The following SH3TC1 variants were observed in gnomAD, a reference collection of about 807,000 sequenced individuals.
SH3TC1 encodes the protein SH3 domain and tetratricopeptide repeats 1, also known as SH3 domain and tetratricopeptide repeat-containing protein 1.
Under a neutral mutation model 117.3 loss-of-function variants are expected in SH3TC1, and 135 were observed. The ratio of observed to expected loss-of-function variants is 1.15; its 90% CI spans 1.00 to 1.33. The LOEUF (loss-of-function observed/expected upper bound fraction) is 1.33. Among genes scored for constraint, SH3TC1 ranks in the 40% most tolerant of loss-of-function variants. SH3TC1 has a pLI of 0.00. For missense variants in SH3TC1, 2,092 were observed against 1,794.3 expected (o/e 1.17, Z -3.00); for synonymous variants, 898 against 816.9 (o/e 1.10, Z -1.69).
rs1229642062 is a variant in SH3TC1 at position 8,233,369 on chromosome 4, C to A, written c.3138C>A (p.Tyr1046Ter). ...CACCTGTGTCTGATACCAGGGCCTA[C>A]AAATCCGCACTGGACTACACCAAAC... ...LYLSLGTERA[Y>*]KSALDYTKRS... is the part of the protein sequence containing the mutation. Residue 1046 changes from tyrosine to a stop codon, truncating the protein, a stop_gained, in exon 14 of 18, where the codon TAC becomes TAA. Transcript: ENST00000245105. LOFTEE classifies it high-confidence loss of function. 6.2e-7 allele frequency: 1 copy of A among 1,606,892 alleles called. No individual in the cohort carries two copies. The highest frequency in any genetic ancestry group is 2.2e-5 in the East Asian group (1 of 44,736).
rs904044658 is a variant in SH3TC1 at position 8,225,928 on chromosome 4, G to C, written c.1285+712G>C. 6.6e-6 allele frequency among the ~76,000 whole-genome samples: 1 copy of C among 152,144 alleles called. No homozygotes were observed. Among genetic ancestry groups the C allele is most frequent in the African/African-American group, 2.4e-5 (1 of 41,424 alleles). ...CTGCCGAAGTCCCTGGAGCAAATGCGAGTGACTCCAGCTGCCCCCAAGGCC... is the reference window on the plus strand; with the variant it reads ...CTGCCGAAGTCCCTGGAGCAAATGCCAGTGACTCCAGCTGCCCCCAAGGCC... On this transcript the variant is annotated intron_variant, in intron 11 of 17. Coordinates refer to ENST00000245105, the MANE Select transcript of SH3TC1 (RefSeq NM_018986.5). This position sits in a 1 kb window ranked among gnomAD's most constrained non-coding sequence, Gnocchi z 5.5.
chr4:8,238,787 G>A (rs184547106), intron 17 of SH3TC1, among the ~76,000 whole-genome samples: 14 of 152,306 alleles, frequency 9.2e-5, no homozygotes, highest in Non-Finnish European at 1.2e-4. Flanking sequence ...TCTTAGTCAT[G>A]CCTGCTGCCC....
upstream of SH3TC1, among the ~76,000 whole-genome samples, chr4:8,198,177 C>A (rs1717623178): frequency 6.6e-6 from 1 of 152,160 alleles, no homozygotes; most frequent in East Asian, 1.9e-4. Context: ...AGCCCTAAAG[C>A]CTTCAGAACC....
At chr4:8,215,106 A>G in intron 5 of SH3TC1, 2 of 451,714 alleles carry the variant, frequency 4.4e-6, no homozygotes, top group Non-Finnish European at 9.0e-6. Flanking sequence ...TCTTTGTTGC[A>G]GGAATGATTT....
At chr4:8,235,884 G>T in intron 15 of SH3TC1, 1 of 363,818 alleles carries the variant, frequency 2.7e-6, no homozygotes, top group South Asian at 5.7e-5. Context: ...GCATGCCAGT[G>T]GGAGGCCCAG....
chr4:8,204,234 T>TC (rs1718019104), intron 1 of SH3TC1, among the ~76,000 whole-genome samples: 1 of 152,178 alleles, frequency 6.6e-6, no homozygotes, highest in Non-Finnish European at 1.5e-5. Context: ...GGAAAGTCTG[T>TC]CCCAGTGTTT....
At chr4:8,221,144 C>T (rs1036136897) in intron 9 of SH3TC1, among the ~76,000 whole-genome samples, 1 of 152,176 alleles carries the variant, frequency 6.6e-6, no homozygotes, top group South Asian at 2.1e-4. Flanking sequence ...CTTTGGGGAT[C>T]CTTGGTCTAG....
upstream of SH3TC1, among the ~76,000 whole-genome samples, chr4:8,196,136 C>T (rs563714634): frequency 5.3e-5 from 8 of 152,360 alleles, no homozygotes; most frequent in South Asian, 8.3e-4. The surrounding 1 kb of genome is among the most constrained non-coding windows in gnomAD (Gnocchi z 4.6). Context: ...CTGAGGTGTG[C>T]ACCTGTGCTT....
In SH3TC1 at chr4:8,231,968, C is replaced by G. The variant is rs763086307; in HGVS notation, c.2951-8C>G. 5 of 1,609,720 alleles carry G rather than the reference C, an allele frequency of 3.1e-6. No homozygotes were observed. The South Asian group carries it at 3.3e-5, about 11-fold the overall frequency. ...AGGCTGACGTCTTCCTTTTTGTCTT[C>G]TGCCCAGGCCAGCTGCGGGCCGTCC... On this transcript the variant is annotated splice_region_variant and splice_polypyrimidine_tract_variant and intron_variant, in intron 12 of 17. Transcript: ENST00000245105.
At chr4:8,215,659 C>G (rs573676299) in intron 5 of SH3TC1, among the ~76,000 whole-genome samples, 171 of 152,298 alleles carry the variant, frequency 1.1e-3, no homozygotes, top group Middle Eastern at 6.8e-3. Flanking sequence ...CTGCCCCAGA[C>G]GAGAGGGGGG....
intron 1 of SH3TC1, among the ~76,000 whole-genome samples, chr4:8,184,743 A>T (rs1165595523): frequency 6.6e-6 from 1 of 152,180 alleles, no homozygotes. Flanking sequence ...TCAGTTTCAC[A>T]GACTTAGTGG....
In SH3TC1 at chr4:8,228,178, G is replaced by A. The variant is rs764042572; in HGVS notation, c.2484G>A (p.Leu828=). 1 of 1,611,090 alleles carries A rather than the reference G, an allele frequency of 6.2e-7. No individual in the cohort carries two copies. Among genetic ancestry groups the A allele is most frequent in the Non-Finnish European group, 8.5e-7 (1 of 1,178,696 alleles). ...IAGVRAIVDH[L]VALAWLHVLH... Reference sequence around the variant, plus strand: ...GAGTCCGTGCCATCGTGGACCACCTGGTGGCCCTGGCCTGGCTGCACGTGC... The same window carrying A: ...GAGTCCGTGCCATCGTGGACCACCTAGTGGCCCTGGCCTGGCTGCACGTGC... The change falls in exon 12 of 18, where the codon CTG becomes CTA. Residue 828 remains leucine, a synonymous_variant. Coordinates refer to ENST00000245105, the MANE Select transcript of SH3TC1 (RefSeq NM_018986.5).
Position 8,227,958 on chromosome 4 carries a change from C to T in SH3TC1, c.2264C>T (p.Ala755Val), listed in dbSNP as rs139040622. The T allele has an allele frequency of 2.7e-5, 44 of 1,611,146 alleles. No homozygotes were observed. The African/African-American group carries it at 3.2e-4, about 12-fold the overall frequency. ...LRSVNLVLQN[A>V]PQPHSLPAQT... is the part of the protein sequence containing the mutation. ...AGTGTGAACCTGGTGCTCCAGAACG[C>T]CCCCCAGCCCCACAGCCTCCCTGCC... The change falls in exon 12 of 18, where the codon GCC becomes GTC. Residue 755 changes from alanine (A) to valine (V), a missense_variant. Coordinates refer to ENST00000245105, the MANE Select transcript of SH3TC1 (RefSeq NM_018986.5).
intron 8 of SH3TC1, among the ~76,000 whole-genome samples, chr4:8,218,918 C>G (rs529501306): frequency 1.3e-5 from 2 of 152,056 alleles, no homozygotes; most frequent in East Asian, 3.9e-4. Context: ...TCAGAGCTGC[C>G]GGTGTCTGGG....
intron 1 of SH3TC1, among the ~76,000 whole-genome samples, chr4:8,182,383 G>A (rs982917500): frequency 4.6e-5 from 7 of 152,196 alleles, no homozygotes; most frequent in South Asian, 2.1e-4. Context: ...GCAGCAGGGC[G>A]GGTGCTGCCT....
intron 8 of SH3TC1, among the ~76,000 whole-genome samples, chr4:8,218,673 A>G (rs1298145): frequency 0.29 from 44,582 of 152,252 alleles, 7,159 homozygotes; most frequent in Non-Finnish European, 0.37. Context: ...CTTCTCAGAC[A>G]GTGCAACCCA....
Position 8,228,138 on chromosome 4 carries a change from C to T in SH3TC1, c.2444C>T (p.Ala815Val). 5.0e-6 allele frequency: 8 copies of T among 1,612,366 alleles called. No individual in the cohort carries two copies. The highest frequency in any genetic ancestry group is 6.8e-6 in the Non-Finnish European group (8 of 1,179,522). ...ACCTTCATGACGCAGGCAGTGGAAG[C>T]CAGTGCTATTGCCGGAGTCCGTGCC... is the stretch of plus-strand genomic sequence containing the variant. The part of the protein sequence containing the change: ...AITFMTQAVE[A>V]SAIAGVRAIV... Residue 815 changes from alanine (A) to valine (V), a missense_variant, in exon 12 of 18, where the codon GCC becomes GTC. By Grantham distance (64) the Ala-to-Val change is moderately conservative. Transcript: ENST00000245105.
chr4:8,237,476 GACCGGCTGAACGAGCGCGTGGCCTACC>G lies in SH3TC1; in HGVS notation c.3568_3594del (p.Asn1190_Leu1198del), dbSNP rs771694953. The G allele has an allele frequency of 1.2e-4, 188 of 1,567,894 alleles. 1 individual carries two copies. In the African/African-American group the frequency reaches 2.1e-3, roughly 17 times the overall value. ...TGCCCCCTTGGCCTGCACCCCAGGG[GACCGGCTGAACGAGCGCGTGGCCTACC>G]ACCGGCTGGCCGCCCTGCAACACCG... On this transcript the variant is annotated inframe_deletion, in exon 17 of 18. Transcript: ENST00000245105.
chr4:8,229,984 C>T (rs1347931444), intron 12 of SH3TC1, among the ~76,000 whole-genome samples: 1 of 142,818 alleles, frequency 7.0e-6, no homozygotes, highest in Non-Finnish European at 1.6e-5. Context: ...TTCCCTGTCT[C>T]CCCACCCCGC....
Sources: allele counts gnomAD v4.1 joint callset (sites outside exome capture counted in the v4.1 genomes callset), GRCh38; gene constraint gnomAD v4.1.1; non-coding constraint Gnocchi (gnomAD v3.1); transcripts MANE v1.5; gene names NCBI Gene and HGNC (gene_info 2026-07-23, HGNC 2026-07-21).